The following AFG3L2 variants were observed in gnomAD, a reference collection of about 807,000 sequenced individuals.
AFG3L2 encodes AFG3 like matrix AAA peptidase subunit 2.
AFG3L2 carries 54 observed loss-of-function variants against 94.5 expected under a neutral mutation model. That is an observed-to-expected ratio of 0.57 (90% CI 0.46 to 0.72). AFG3L2 has a LOEUF of 0.72. AFG3L2 is among the 30% of genes least tolerant of loss of function. The pLI, the probability that AFG3L2 is intolerant of heterozygous loss-of-function variation, is 0.00. For missense variants in AFG3L2, 754 were observed against 994.9 expected, an observed-to-expected ratio of 0.76 and a Z score of 3.26; for synonymous variants, 377 against 365.5, an observed-to-expected ratio of 1.03 and a Z score of -0.36.
chr18:12,356,555 G>C, intron 9 of AFG3L2, 139 bp downstream of exon 9: 1 of 1,255,546 alleles, frequency 8.0e-7, no homozygotes, highest in Middle Eastern at 2.5e-4. Flanking sequence ...TCTTAGGCCT[G>C]GAGGAGAGCT....
At chr18:12,364,016 C>G (rs926489576) in intron 5 of AFG3L2, among the ~76,000 whole-genome samples, 160 bp from the exon 6 acceptor site, 2 of 152,104 alleles carry the variant, frequency 1.3e-5, no homozygotes, top group African/African-American at 4.8e-5. Context: ...TCTGCAGAAG[C>G]TCCCAGGCAC....
In AFG3L2 at chr18:12,371,698, C is replaced by A; in HGVS notation, c.115-7G>T. 6.2e-7 allele frequency: 1 copy of A among 1,611,610 alleles called. No individual in the cohort carries two copies. The highest frequency in any genetic ancestry group is 8.5e-7 in the Non-Finnish European group (1 of 1,178,166). On this transcript the variant is annotated splice_region_variant and splice_polypyrimidine_tract_variant and intron_variant, in intron 1 of 16. Transcript: ENST00000269143. Reference sequence around the variant, plus strand: ...TTGTAACAAATCGGTAAAGCTGCAACAAGACATAAAAATAAAACCATAGTT... The same window carrying A: ...TTGTAACAAATCGGTAAAGCTGCAAAAAGACATAAAAATAAAACCATAGTT...
intron 15 of AFG3L2, among the ~76,000 whole-genome samples, chr18:12,338,397 C>T (rs571968320): frequency 9.2e-5 from 14 of 152,256 alleles, no homozygotes; most frequent in South Asian, 2.1e-4. Flanking sequence ...TGCATTTCCC[C>T]GTTCACTGAG....
chr18:12,365,790 CAAGTATT>C (rs1908785261), intron 5 of AFG3L2, among the ~76,000 whole-genome samples: 1 of 151,916 alleles, frequency 6.6e-6, no homozygotes, highest in African/African-American at 2.4e-5. Context: ...GATGAAAACC[CAAGTATT>C]AAGAGGTTAA....
At chr18:12,335,909 TA>T (rs1907727148) in intron 16 of AFG3L2, among the ~76,000 whole-genome samples, 1 of 152,216 alleles carries the variant, frequency 6.6e-6, no homozygotes, top group Non-Finnish European at 1.5e-5. Flanking sequence ...AAGTCTAACA[TA>T]GGGGTTATAG....
chr18:12,333,036 A>ATATAATCTATTATATAATAGAT (rs1422163790), intron 16 of AFG3L2, among the ~76,000 whole-genome samples: 43 of 54,938 alleles, frequency 7.8e-4, no homozygotes, highest in African/African-American at 2.0e-3. Context: ...ATATAAAAAT[A>ATATAATCTATTATATAATAGAT]TATAATCTAT....
intron 16 of AFG3L2, 122 bp from the exon 17 acceptor site, chr18:12,329,905 C>T: frequency 8.2e-6 from 7 of 850,932 alleles, no homozygotes; most frequent in Admixed American, 2.2e-5. Flanking sequence ...AAAAAGATGT[C>T]TCATACATAA....
chr18:12,348,386 A>T lies in AFG3L2; in HGVS notation c.1553-3T>A. The T allele has an allele frequency of 6.2e-7, 1 of 1,612,804 alleles. No individual in the cohort carries two copies. On this transcript the variant is annotated splice_polypyrimidine_tract_variant and splice_region_variant and intron_variant, in intron 12 of 16. Transcript: ENST00000269143. ...ACAGACATTAGCAACATCAGCACCT[A>T]AAAAATGAACACAGAACAGCTTACC...
intron 12 of AFG3L2, among the ~76,000 whole-genome samples, chr18:12,350,377 A>G (rs551993860): frequency 3.5e-4 from 54 of 152,294 alleles, no homozygotes; most frequent in African/African-American, 1.3e-3. Context: ...CATTAATTGT[A>G]CACTTTATAC....
chr18:12,377,193 G>A lies in AFG3L2; in HGVS notation c.-111C>T. 1.2e-6 allele frequency: 1 copy of A among 842,186 alleles called. No homozygotes were observed. Among genetic ancestry groups the A allele is most frequent in the Non-Finnish European group, 1.8e-6 (1 of 567,254 alleles). 52.2% of individuals were successfully genotyped at this position (842,186 alleles called of 1,614,324 possible). A position where few individuals can be genotyped will look rare whatever the true frequency, so the allele number is the denominator to read the frequency against. Reference sequence around the variant, plus strand: ...CGGGGAAAGGCCGCCAGGCAGCGAAGCGCGCCGGCGGCTCACGGAGGAGCC... The same window carrying A: ...CGGGGAAAGGCCGCCAGGCAGCGAAACGCGCCGGCGGCTCACGGAGGAGCC... On this transcript the variant is annotated 5_prime_UTR_variant, in exon 1 of 17. Coordinates refer to ENST00000269143, the MANE Select transcript of AFG3L2 (RefSeq NM_006796.3).
intron 3 of AFG3L2, among the ~76,000 whole-genome samples, chr18:12,367,815 G>A (rs1407445432): frequency 1.3e-5 from 2 of 152,116 alleles, no homozygotes; most frequent in East Asian, 1.9e-4. Flanking sequence ...ATTTCGGGGG[G>A]CCAAAGCAGG....
At chr18:12,354,816 C>G (rs11872852) in intron 9 of AFG3L2, among the ~76,000 whole-genome samples, 1 of 151,504 alleles carries the variant, frequency 6.6e-6, no homozygotes, top group African/African-American at 2.4e-5. Flanking sequence ...CAATTTCCCC[C>G]CATCCACTTT....
In AFG3L2 at chr18:12,329,670, A is replaced by G. The variant is rs1907454506; in HGVS notation, c.2289T>C (p.Thr763=). ...GTGAGGTGTCCTCATCCAAGCTGCC[A>G]GTGCCTTCCACAAATTCTTCATAGG... ...KSTYEEFVEG[T]GSLDEDTSLP... The change falls in exon 17 of 17, where the codon ACT becomes ACC. Residue 763 remains threonine, a synonymous_variant. Coordinates refer to ENST00000269143, the MANE Select transcript of AFG3L2 (RefSeq NM_006796.3). 6.2e-7 allele frequency: 1 copy of G among 1,614,094 alleles called. No homozygotes were observed. The highest frequency in any genetic ancestry group is 1.3e-5 in the African/African-American group (1 of 74,934).
intron 13 of AFG3L2, among the ~76,000 whole-genome samples, chr18:12,346,518 G>A (rs775497561): frequency 3.3e-5 from 5 of 152,078 alleles, no homozygotes; most frequent in Non-Finnish European, 7.4e-5. Context: ...ATAAGCTGTG[G>A]GCTCATGGTG....
intron 1 of AFG3L2, among the ~76,000 whole-genome samples, chr18:12,372,777 A>G (rs60328033): frequency 0.017 from 2,657 of 152,368 alleles, 66 homozygotes; most frequent in African/African-American, 0.06. Flanking sequence ...AAGAAGGCAG[A>G]CACAAAAGGT....
At position 12,376,882 on chromosome 18, in the gene AFG3L2, G is replaced by A. The variant is rs1176515277; in HGVS notation, c.114+87C>T. ...CGGCCCGCGTGCGGCCGGAGGGCGGGGGCCAGTGACCTTGACGTCCGCTCT... is the reference window on the plus strand; with the variant it reads ...CGGCCCGCGTGCGGCCGGAGGGCGGAGGCCAGTGACCTTGACGTCCGCTCT... On this transcript the variant is annotated intron_variant, in intron 1 of 16. Transcript: ENST00000269143. 3.8e-6 allele frequency: 4 copies of A among 1,058,512 alleles called. 1 individual carries two copies. The highest frequency in any genetic ancestry group is 4.4e-5 in the South Asian group (2 of 45,224). The allele number at this position is 1,058,512 out of a possible 1,614,324, so 65.6% of individuals were successfully genotyped here. A position where few individuals can be genotyped will look rare whatever the true frequency, so the allele number is the denominator to read the frequency against.
intron 14 of AFG3L2, chr18:12,343,691 C>T (rs1432323161): frequency 3.2e-5 from 7 of 219,428 alleles, no homozygotes; most frequent in Admixed American, 1.6e-4. Context: ...CGGGCCTCAC[C>T]ACTTGGTAGT....
At chr18:12,342,455 G>A (rs951251964) in intron 14 of AFG3L2, 1 of 152,112 alleles carries the variant, frequency 6.6e-6, no homozygotes, top group Non-Finnish European at 1.5e-5. Context: ...TAAGTCCTTT[G>A]TCCTGTATAT....
In AFG3L2 at chr18:12,355,676, T is replaced by C. The variant is rs1254917795; in HGVS notation, c.1164+1018A>G. ...GCTTAGGACTCCCGATTTACATATT[T>C]TTTTTTTTTTTGAGACGAGTCTCAC... On this transcript the variant is annotated intron_variant, in intron 9 of 16. Coordinates refer to ENST00000269143, the MANE Select transcript of AFG3L2 (RefSeq NM_006796.3). Among the ~76,000 whole-genome samples the C allele has an allele frequency of 8.8e-4, 133 of 151,902 alleles. 1 individual carries two copies. The highest frequency in any genetic ancestry group is 3.1e-3 in the African/African-American group (129 of 41,442).
Sources: allele counts gnomAD v4.1 joint callset (sites outside exome capture counted in the v4.1 genomes callset), GRCh38; gene constraint gnomAD v4.1.1; transcripts MANE v1.5; gene names NCBI Gene and HGNC (gene_info 2026-07-23, HGNC 2026-07-21).